JDP2: variants seen among roughly 807,000 people sequenced by gnomAD.
JDP2 encodes progesterone receptor co-activator.
In JDP2, 9 loss-of-function variants were observed where a neutral mutation model predicts 17.1. The ratio of observed to expected loss-of-function variants is 0.53; its 90% CI spans 0.32 to 0.92. The LOEUF is 0.92. Among genes scored for constraint, JDP2 ranks in the 40% least tolerant of loss-of-function variants. The probability of loss-of-function intolerance (pLI) is 0.04; values close to 1 mark genes in which losing one functional copy is unlikely to be tolerated. For synonymous variants in JDP2, 107 were observed against 95.6 expected (o/e 1.12, Z -0.69); for missense variants, 179 against 220.0 (o/e 0.81, Z 1.18).
chr14:75,453,440 C>T (rs1885960248), intron 2 of JDP2, among the ~76,000 whole-genome samples: 1 of 152,234 alleles, frequency 6.6e-6, no homozygotes, highest in Non-Finnish European at 1.5e-5. Flanking sequence ...CTGCTCCTCC[C>T]TCTCCGCAGT....
At chr14:75,456,947 A>G (rs7145468) in intron 2 of JDP2, among the ~76,000 whole-genome samples, 14,506 of 152,128 alleles carry the variant, frequency 0.095, 893 homozygotes, top group African/African-American at 0.16. Context: ...ATCCAATGTG[A>G]AGTGTGGCAC....
intron 3 of JDP2, among the ~76,000 whole-genome samples, chr14:75,463,787 T>A (rs1022426432): frequency 8.5e-5 from 13 of 152,164 alleles, no homozygotes; most frequent in African/African-American, 3.1e-4. Flanking sequence ...AATAGGGTGA[T>A]GCTAGATGCT....
At chr14:75,440,268 C>T (rs1205236958) in intron 2 of JDP2, among the ~76,000 whole-genome samples, 2 of 152,164 alleles carry the variant, frequency 1.3e-5, no homozygotes, top group Admixed American at 6.5e-5. Flanking sequence ...GATGGAGCTG[C>T]GAGATTGTAC....
chr14:75,457,819 C>G (rs1474303466), intron 2 of JDP2, among the ~76,000 whole-genome samples: 1 of 152,268 alleles, frequency 6.6e-6, no homozygotes, highest in African/African-American at 2.4e-5. Flanking sequence ...AGGCTCCCAG[C>G]TTTGCTGGCC....
At position 75,449,081 on chromosome 14, in the gene JDP2, T is replaced by A. The variant is rs532078162; in HGVS notation, c.201+10960T>A. Among the ~76,000 whole-genome samples the A allele has an allele frequency of 5.3e-5, 8 of 152,266 alleles. No homozygotes were observed. The South Asian group carries it at 1.7e-3, about 32-fold the overall frequency. The stretch of plus-strand genomic sequence containing the variant: ...GTGTTCAGTATTCTTGATGGGGAGG[T>A]TGCCTTTGCCGGGAGATTTGTCTGT... On this transcript the variant is annotated intron_variant, in intron 2 of 3. Coordinates refer to ENST00000651602, the MANE Select transcript of JDP2 (RefSeq NM_001135048.2).
At chr14:75,457,639 C>T (rs528721632) in intron 2 of JDP2, among the ~76,000 whole-genome samples, 1 of 152,334 alleles carries the variant, frequency 6.6e-6, no homozygotes, top group Admixed American at 6.5e-5. Flanking sequence ...AGGCCTGGGG[C>T]TGGGCTTGGA....
chr14:75,431,432 C>T (rs946755315), intron 1 of JDP2, among the ~76,000 whole-genome samples: 9 of 152,208 alleles, frequency 5.9e-5, no homozygotes, highest in African/African-American at 1.9e-4. Context: ...CCAGCTACCG[C>T]TCCTTGTCTT....
chr14:75,438,801 C>T (rs1448638951), intron 2 of JDP2, among the ~76,000 whole-genome samples: 1 of 152,264 alleles, frequency 6.6e-6, no homozygotes, highest in Non-Finnish European at 1.5e-5. Context: ...AGCCCTTTTT[C>T]TCGGGGCACT....
intron 3 of JDP2, among the ~76,000 whole-genome samples, chr14:75,465,699 C>G (rs909997352): frequency 2.6e-5 from 4 of 152,116 alleles, no homozygotes; most frequent in Non-Finnish European, 4.4e-5. Context: ...AAACTGAGGC[C>G]CAGAGAGAGG....
chr14:75,465,341 G>C (rs992775008), intron 3 of JDP2, among the ~76,000 whole-genome samples: 2 of 152,020 alleles, frequency 1.3e-5, no homozygotes, highest in African/African-American at 4.8e-5. Flanking sequence ...TGTTGCTGTT[G>C]CTGTTTTTGA....
chr14:75,440,520 C>T (rs1467495715), intron 2 of JDP2, among the ~76,000 whole-genome samples: 1 of 152,216 alleles, frequency 6.6e-6, no homozygotes, highest in Non-Finnish European at 1.5e-5. Context: ...TAATCAGATA[C>T]TAGCTCATTA....
chr14:75,445,532 C>T, intron 2 of JDP2: 1 of 985,370 alleles, frequency 1.0e-6, no homozygotes, highest in South Asian at 4.7e-5. Context: ...GGCAATGTAG[C>T]AAAGCAGGAC....
intron 1 of JDP2, among the ~76,000 whole-genome samples, chr14:75,431,830 G>A (rs1884811286): frequency 6.6e-6 from 1 of 152,254 alleles, no homozygotes. Flanking sequence ...TCTGGCACTA[G>A]TGCCCCTCCA....
intron 2 of JDP2, among the ~76,000 whole-genome samples, chr14:75,445,901 C>T (rs559441236): frequency 5.9e-5 from 9 of 152,050 alleles, no homozygotes; most frequent in Admixed American, 2.6e-4. Context: ...GTTTGCAAAT[C>T]GTAGATCCAA....
intron 2 of JDP2, among the ~76,000 whole-genome samples, chr14:75,450,598 C>T (rs899357435): frequency 6.6e-5 from 10 of 152,206 alleles, no homozygotes; most frequent in African/African-American, 2.4e-4. Flanking sequence ...GTGAGCACAG[C>T]GTCCAGTGTG....
chr14:75,438,307 A>AT (rs1885173473), intron 2 of JDP2, among the ~76,000 whole-genome samples, 186 bp downstream of exon 2: 1 of 152,008 alleles, frequency 6.6e-6, no homozygotes, highest in Admixed American at 6.5e-5. Flanking sequence ...TCTTAACAAG[A>AT]TCCCCCAGGG....
At chr14:75,456,553 G>C (rs1285725291) in intron 2 of JDP2, among the ~76,000 whole-genome samples, 1 of 152,184 alleles carries the variant, frequency 6.6e-6, no homozygotes, top group Admixed American at 6.5e-5. Context: ...TCCAGGCCCG[G>C]CTTTTCTCTC....
chr14:75,455,427 G>C (rs1886058151), intron 2 of JDP2, among the ~76,000 whole-genome samples: 2 of 152,126 alleles, frequency 1.3e-5, no homozygotes, highest in South Asian at 4.1e-4. Context: ...ATTCATACAC[G>C]AGATAGTCTT....
At position 75,469,364 on chromosome 14, in the gene JDP2, G is replaced by A. The variant is rs1456116201; in HGVS notation, c.381G>A (p.Gln127=). 5 of 1,614,040 alleles carry A rather than the reference G, an allele frequency of 3.1e-6. No homozygotes were observed. The African/African-American group carries it at 6.7e-5, about 22-fold the overall frequency. The change falls in exon 4 of 4, where the codon CAG becomes CAA. Residue 127 remains glutamine (Q), a synonymous_variant. Transcript: ENST00000651602. ...AGGAGCTGAAGCAGGAGCGGCAGCA[G>A]CTCATCCTGATGCTGAACCGACACC... is the stretch of plus-strand genomic sequence containing the variant. ...QIEELKQERQ[Q]LILMLNRHRP... is the part of the protein sequence containing the mutation.
Sources: gnomAD v4.1 joint callset for allele counts (sites outside exome capture counted in the v4.1 genomes callset) on GRCh38, gnomAD v4.1.1 for gene constraint, MANE v1.5 for transcripts, NCBI Gene and HGNC (gene_info 2026-07-23, HGNC 2026-07-21) for gene names.